PRDM12: variants seen among roughly 807,000 people sequenced by gnomAD.
PRDM12 encodes PR/SET domain 12.
A neutral mutation model predicts 29.6 loss-of-function variants in PRDM12; 17 were observed. That is an observed-to-expected ratio of 0.57 (90% CI 0.39 to 0.86). The LOEUF (loss-of-function observed/expected upper bound fraction) is 0.86. Ranked by LOEUF, PRDM12 falls within the 40% of genes least tolerant of loss-of-function variation. The pLI, the probability that PRDM12 is intolerant of heterozygous loss-of-function variation, is 0.00. For synonymous variants in PRDM12, 231 were observed against 225.8 expected, an observed-to-expected ratio of 1.02 and a Z score of -0.21; for missense variants, 422 against 510.8, an observed-to-expected ratio of 0.83 and a Z score of 1.68.
At position 130,678,674 on chromosome 9, in the gene PRDM12, A is replaced by G. The variant is rs1172664414; in HGVS notation, c.682+34A>G. The G allele has an allele frequency of 2.6e-6, 4 of 1,531,942 alleles. No individual in the cohort carries two copies. The East Asian group carries it at 9.0e-5, about 35-fold the overall frequency. 94.9% of individuals were successfully genotyped at this position (1,531,942 alleles called of 1,614,324 possible). ...TCCCCATGGGGCCGCTGAGACACAG[A>G]CCCATGGAGAGGGGAGCCCAGGGAG... On this transcript the variant is annotated intron_variant, in intron 4 of 4. Transcript: ENST00000253008.
Position 130,681,994 on chromosome 9 carries a change from C to T in PRDM12, c.*325C>T, listed in dbSNP as rs569984085. 5 of 153,758 alleles carry T rather than the reference C, an allele frequency of 3.3e-5. No individual in the cohort carries two copies. Among genetic ancestry groups the T allele is most frequent in the Admixed American group, 2.0e-4 (3 of 15,290 alleles). The allele number at this position is 153,758 out of a possible 1,614,324, so 9.5% of individuals were successfully genotyped here. A position where few individuals can be genotyped will look rare whatever the true frequency, so the allele number is the denominator to read the frequency against. ...GCCGGGCGCCCAGGCCGGCATCCCC[C>T]TCGTGGGTGGCAGGAGAGCGGACTT... On this transcript the variant is annotated 3_prime_UTR_variant, in exon 5 of 5. Coordinates refer to ENST00000253008, the MANE Select transcript of PRDM12 (RefSeq NM_021619.3). The surrounding 1 kb of genome is among the most constrained non-coding windows in gnomAD (Gnocchi z 8.1).
chr9:130,678,046 T>C (rs1221825181), intron 3 of PRDM12, among the ~76,000 whole-genome samples: 1 of 151,994 alleles, frequency 6.6e-6, no homozygotes, highest in African/African-American at 2.4e-5. Flanking sequence ...GTGGGATGCC[T>C]ATGGGAGCTT....
At chr9:130,677,121 T>C (rs543219228) in intron 3 of PRDM12, among the ~76,000 whole-genome samples, 35 of 152,278 alleles carry the variant, frequency 2.3e-4, no homozygotes, top group African/African-American at 7.2e-4. Context: ...GACAGGGTTT[T>C]GCTATGTTGC....
rs1588183135 is a variant in PRDM12, at chr9:130,664,639, A to G, written c.-15A>G. The G allele has an allele frequency of 8.1e-7, 1 of 1,229,746 alleles. No individual in the cohort carries two copies. The highest frequency in any genetic ancestry group is 1.3e-5 in the South Asian group (1 of 76,400). 76.2% of individuals were successfully genotyped at this position (1,229,746 alleles called of 1,614,324 possible). A position where few individuals can be genotyped will look rare whatever the true frequency, so the allele number is the denominator to read the frequency against. The stretch of plus-strand genomic sequence containing the variant: ...GCCCGGCCGTCCCCCGGCGCCGGGG[A>G]GCTCCGGGCCGCCCATGATGGGCTC... On this transcript the variant is annotated 5_prime_UTR_variant, in exon 1 of 5. Coordinates refer to ENST00000253008, the MANE Select transcript of PRDM12 (RefSeq NM_021619.3). This position sits in a 1 kb window ranked among gnomAD's most constrained non-coding sequence, Gnocchi z 6.4.
intron 2 of PRDM12, among the ~76,000 whole-genome samples, chr9:130,667,648 G>A (rs1057092919): frequency 1.3e-5 from 2 of 152,154 alleles, no homozygotes; most frequent in East Asian, 3.9e-4. Context: ...ACCTTCTCCA[G>A]TTGCTGGGTC....
chr9:130,680,664 T>A lies in PRDM12; in HGVS notation c.683-584T>A, dbSNP rs1488088745. Among the ~76,000 whole-genome samples, 389 of 136,804 alleles carry A rather than the reference T, an allele frequency of 2.8e-3. 4 individuals carry two copies. Among genetic ancestry groups the A allele is most frequent in the African/African-American group, 5.8e-3 (208 of 36,078 alleles). The allele number at this position is 136,804 out of a possible 152,430, so 89.7% of individuals were successfully genotyped here. On this transcript the variant is annotated intron_variant, in intron 4 of 4. Coordinates refer to ENST00000253008, the MANE Select transcript of PRDM12 (RefSeq NM_021619.3). Reference sequence around the variant, plus strand: ...ATATATATATATATATATATATTTTTTTTTTTTTTAACTGATCCTTACCAT... The same window carrying A: ...ATATATATATATATATATATATTTTATTTTTTTTTAACTGATCCTTACCAT...
At chr9:130,678,209 G>GT (rs1376067055) in intron 3 of PRDM12, among the ~76,000 whole-genome samples, 2 of 151,864 alleles carry the variant, frequency 1.3e-5, no homozygotes, top group African/African-American at 4.8e-5. Context: ...AATGGAAAAG[G>GT]TTTCTAGTTT....
intron 1 of PRDM12, among the ~76,000 whole-genome samples, chr9:130,665,971 C>T (rs974989314): frequency 1.3e-5 from 2 of 152,230 alleles, no homozygotes; most frequent in African/African-American, 4.8e-5. Context: ...AGCCCGGGCG[C>T]CGCCCTCCCT....
chr9:130,674,849 C>G (rs1352167237), intron 3 of PRDM12, among the ~76,000 whole-genome samples: 1 of 152,008 alleles, frequency 6.6e-6, no homozygotes, highest in African/African-American at 2.4e-5. Flanking sequence ...AATGACTCAC[C>G]CTTATACTGC....
chr9:130,665,089 C>G (rs1292073923), intron 1 of PRDM12, among the ~76,000 whole-genome samples: 1 of 152,094 alleles, frequency 6.6e-6, no homozygotes, highest in Non-Finnish European at 1.5e-5. Context: ...GCTCAAGGAC[C>G]GACCCCGGCG....
intron 3 of PRDM12, among the ~76,000 whole-genome samples, chr9:130,675,131 C>T (rs1046516710): frequency 1.5e-4 from 23 of 152,196 alleles, no homozygotes; most frequent in Admixed American, 1.2e-3. Flanking sequence ...CTGCCCGCCT[C>T]GGCCTCCCAA....
chr9:130,676,279 A>C (rs1012167891), intron 3 of PRDM12, among the ~76,000 whole-genome samples: 41 of 152,242 alleles, frequency 2.7e-4, no homozygotes, highest in African/African-American at 9.1e-4. Flanking sequence ...TCACGAGATC[A>C]GGAGATCGAG....
At chr9:130,665,388 C>A (rs1243452487) in intron 1 of PRDM12, among the ~76,000 whole-genome samples, 1 of 152,142 alleles carries the variant, frequency 6.6e-6, no homozygotes, top group Non-Finnish European at 1.5e-5. Context: ...AGAAAAGTTT[C>A]TTTTCTTTAA....
rs2132609211 is a variant in PRDM12, at chr9:130,681,778, A to G, written c.*109A>G. On this transcript the variant is annotated 3_prime_UTR_variant, in exon 5 of 5. Transcript: ENST00000253008. This position sits in a 1 kb window ranked among gnomAD's most constrained non-coding sequence, Gnocchi z 8.1. ...AACCCCCGGCCCGGCGCCGCCGCGG[A>G]GCCCCGCGCGCTGGGGTTGCGCCCC... 2.2e-6 allele frequency: 2 copies of G among 927,734 alleles called. No homozygotes were observed. The highest frequency in any genetic ancestry group is 2.6e-6 in the Non-Finnish European group (2 of 777,942). The allele number at this position is 927,734 out of a possible 1,614,324, so 57.5% of individuals were successfully genotyped here.
intron 1 of PRDM12, 134 bp downstream of exon 1, chr9:130,665,010 CG>C: frequency 2.2e-6 from 2 of 903,324 alleles, no homozygotes; most frequent in East Asian, 5.5e-5. Context: ...TCCCGGCGCT[CG>C]GTGCACCTCA....
At position 130,680,659 on chromosome 9, in the gene PRDM12, A is replaced by ATATTTT; in HGVS notation, c.683-588_683-587insATTTTT. 1.4e-3 allele frequency among the ~76,000 whole-genome samples: 102 copies of ATATTTT among 72,138 alleles called. 1 individual carries two copies. The highest frequency in any genetic ancestry group is 0.021 in the Middle Eastern group (2 of 96). The allele number at this position is 72,138 out of a possible 152,430, so 47.3% of individuals were successfully genotyped here. ...AATATATATATATATATATATATATATTTTTTTTTTTTTTAACTGATCCTT... is the reference window on the plus strand; with the variant it reads ...AATATATATATATATATATATATATATATTTTTTTTTTTTTTTTTTAACTGATCCTT... On this transcript the variant is annotated intron_variant, in intron 4 of 4. Transcript: ENST00000253008.
At chr9:130,673,603 C>A (rs1439786828) in intron 3 of PRDM12, among the ~76,000 whole-genome samples, 3 of 151,392 alleles carry the variant, frequency 2.0e-5, no homozygotes, top group Non-Finnish European at 4.4e-5. Context: ...TTAAACAATT[C>A]TCGTGCCTCA....
In PRDM12 at chr9:130,681,621, C is replaced by T; in HGVS notation, c.1056C>T (p.Ala352=). 1.1e-6 allele frequency: 1 copy of T among 947,100 alleles called. No homozygotes were observed. Among genetic ancestry groups the T allele is most frequent in the Non-Finnish European group, 1.2e-6 (1 of 801,714 alleles). 58.7% of individuals were successfully genotyped at this position (947,100 alleles called of 1,614,324 possible). The part of the protein sequence containing the change: ...AHAPALAAAA[A]AAAAAAAHHL... ...CGCCCGCGCTCGCCGCCGCCGCCGC[C>T]GCCGCCGCCGCCGCCGCCGCGCACC... is the stretch of plus-strand genomic sequence containing the variant. The change falls in exon 5 of 5, where the codon GCC becomes GCT. Residue 352 remains alanine, a synonymous_variant. Transcript: ENST00000253008. The surrounding 1 kb of genome is among the most constrained non-coding windows in gnomAD (Gnocchi z 8.1).
intron 3 of PRDM12, among the ~76,000 whole-genome samples, chr9:130,671,217 T>G (rs947568460): frequency 1.9e-4 from 29 of 151,952 alleles, no homozygotes; most frequent in African/African-American, 6.8e-4. Context: ...TGGTGGCGGG[T>G]GTCTGTAATC....
Sources: allele counts gnomAD v4.1 joint callset (sites outside exome capture counted in the v4.1 genomes callset), GRCh38; gene constraint gnomAD v4.1.1; non-coding constraint Gnocchi (gnomAD v3.1); transcripts MANE v1.5; gene names NCBI Gene and HGNC (gene_info 2026-07-23, HGNC 2026-07-21).